Variants in PPL observed in about 807,000 individuals in gnomAD.
PPL encodes the protein 190 kDa paraneoplastic pemphigus antigen.
In PPL, 198 loss-of-function variants were observed where a neutral mutation model predicts 194.4. The ratio of observed to expected loss-of-function variants is 1.02; its 90% CI spans 0.91 to 1.15. The LOEUF (loss-of-function observed/expected upper bound fraction) is 1.15, where lower values mean the gene tolerates loss of function less well. Ranked by LOEUF, PPL falls within the 50% of genes most tolerant of loss-of-function variation. The pLI, the probability that PPL is intolerant of heterozygous loss-of-function variation, is 0.00. For missense variants in PPL, 2,885 were observed against 2,294.8 expected (o/e 1.26, Z -5.25); for synonymous variants, 1,220 against 972.4 (o/e 1.25, Z -4.74).
chr16:4,903,824 C>G, intron 3 of PPL, 62 bp downstream of exon 3: 1 of 1,586,100 alleles, frequency 6.3e-7, no homozygotes, highest in Non-Finnish European at 8.6e-7. Context: ...CTGAACAGGA[C>G]CCCCCGCCCT....
rs1179985894 is a variant in PPL at position 4,900,844 on chromosome 16, A to G, written c.592T>C (p.Tyr198His). ...KEQNSELRAK[Y>H]QKLLAASQAR... ...GAGCTCCTCACCAGCAGTTTCTGGTACTTGGCCCGGAGTTCGCTGTTCTGC... is the reference window on the plus strand; with the variant it reads ...GAGCTCCTCACCAGCAGTTTCTGGTGCTTGGCCCGGAGTTCGCTGTTCTGC... Residue 198 changes from tyrosine (Y) to histidine (H), a missense_variant, in exon 6 of 22, where the codon TAC (tyrosine) becomes CAC (histidine). Tyr to His is a moderately conservative substitution (Grantham distance 83). Coordinates refer to ENST00000345988, the MANE Select transcript of PPL (RefSeq NM_002705.5). 6.2e-7 allele frequency: 1 copy of G among 1,614,064 alleles called. No homozygotes were observed. The highest frequency in any genetic ancestry group is 1.7e-5 in the Admixed American group (1 of 60,010).
chr16:4,917,865 G>GCATT (rs1308147301), intron 1 of PPL, among the ~76,000 whole-genome samples: 1 of 151,538 alleles, frequency 6.6e-6, no homozygotes. Context: ...TTTCGCCACT[G>GCATT]CATTCCAGCC....
chr16:4,888,509 T>C (rs1377458019), intron 19 of PPL, among the ~76,000 whole-genome samples: 2 of 152,222 alleles, frequency 1.3e-5, no homozygotes, highest in African/African-American at 4.8e-5. Flanking sequence ...CACATTCTGC[T>C]GCTGCTTTTA....
At chr16:4,888,726 A>C in intron 19 of PPL, 3 of 410,278 alleles carry the variant, frequency 7.3e-6, no homozygotes, top group South Asian at 6.4e-5. Flanking sequence ...TTTTTTTTGT[A>C]CTTTTTCCTT....
intron 21 of PPL, among the ~76,000 whole-genome samples, 186 bp from the exon 22 acceptor site, chr16:4,886,233 T>A (rs904282958): frequency 2.0e-5 from 3 of 152,100 alleles, no homozygotes; most frequent in East Asian, 1.9e-4. Flanking sequence ...GGGTTTTTTT[T>A]AATCAGGTAA....
chr16:4,921,405 G>C (rs778833433), intron 1 of PPL, among the ~76,000 whole-genome samples: 14 of 152,198 alleles, frequency 9.2e-5, no homozygotes, highest in Admixed American at 2.0e-4. Context: ...GGGGGCCTCA[G>C]ATGGCATCAG....
chr16:4,886,963 G>C (rs530331040), intron 21 of PPL, among the ~76,000 whole-genome samples, 172 bp downstream of exon 21: 1 of 152,358 alleles, frequency 6.6e-6, no homozygotes, highest in South Asian at 2.1e-4. Context: ...AGTTGAATAA[G>C]TTCTCATGTC....
chr16:4,934,297 C>A (rs2089264473), intron 1 of PPL, among the ~76,000 whole-genome samples: 1 of 152,140 alleles, frequency 6.6e-6, no homozygotes, highest in Non-Finnish European at 1.5e-5. Flanking sequence ...GAAGGGGTGG[C>A]TTTCTCGGTG....
rs375286622 is a variant in PPL at position 4,927,666 on chromosome 16, T to C, written c.62+9318A>G. 5.3e-4 allele frequency among the ~76,000 whole-genome samples: 80 copies of C among 152,360 alleles called. 1 individual carries two copies. In the South Asian group the frequency reaches 0.016, roughly 30 times the overall value. On this transcript the variant is annotated intron_variant, in intron 1 of 21. Coordinates refer to ENST00000345988, the MANE Select transcript of PPL (RefSeq NM_002705.5). ...ACTCCTGTGCTAATTAGACAGTAAA[T>C]GTCCTCACACCCAGCTATTAATCCT...
chr16:4,893,283 C>A lies in PPL; in HGVS notation c.1580G>T (p.Gly527Val). ...TTGCTCCAGTGGTGGCCGCAGGATCCCTGTGATGGCCTTCTCCTGCCGGTC... is the reference window on the plus strand; with the variant it reads ...TTGCTCCAGTGGTGGCCGCAGGATCACTGTGATGGCCTTCTCCTGCCGGTC... ...DLDRQEKAIT[G>V]ILRPPLEQGR... The change falls in exon 14 of 22, where the codon GGG (glycine) becomes GTG (valine). Residue 527 changes from glycine (G) to valine (V), a missense_variant. Coordinates refer to ENST00000345988, the MANE Select transcript of PPL (RefSeq NM_002705.5). The A allele has an allele frequency of 6.2e-7, 1 of 1,603,226 alleles. No homozygotes were observed. The highest frequency in any genetic ancestry group is 8.5e-7 in the Non-Finnish European group (1 of 1,177,616).
At chr16:4,926,588 A>T (rs1043845221) in intron 1 of PPL, among the ~76,000 whole-genome samples, 7 of 152,196 alleles carry the variant, frequency 4.6e-5, no homozygotes, top group African/African-American at 1.7e-4. Flanking sequence ...ATAATTACAA[A>T]GATTTGGCTT....
Position 4,902,692 on chromosome 16 carries a change from CTT to C in PPL, c.318-168_318-167del, listed in dbSNP as rs5815221. On this transcript the variant is annotated intron_variant, in intron 3 of 21. Transcript: ENST00000345988. The surrounding 1 kb of genome is among the most constrained non-coding windows in gnomAD (Gnocchi z 4.0). ...ATCCTCTCACCCCTCCTCCCATGCA[CTT>C]TTTTTTTTTTTTTGAGACAGAGTCT... Among the ~76,000 whole-genome samples, 4,077 of 140,828 alleles carry C rather than the reference CTT, an allele frequency of 0.029. 60 individuals are homozygous for C. Among genetic ancestry groups the C allele is most frequent in the Middle Eastern group, 0.055 (15 of 274 alleles). The allele number at this position is 140,828 out of a possible 152,430, so 92.4% of individuals were successfully genotyped here.
intron 17 of PPL, among the ~76,000 whole-genome samples, 161 bp from the exon 18 acceptor site, chr16:4,890,495 CTG>C (rs1438992704): frequency 6.6e-6 from 1 of 152,108 alleles, no homozygotes; most frequent in Non-Finnish European, 1.5e-5. Flanking sequence ...TCAGGTTGGA[CTG>C]TGGAGAACCA....
At chr16:4,895,197 G>T in intron 11 of PPL, 64 bp downstream of exon 11, 5 of 1,503,996 alleles carry the variant, frequency 3.3e-6, no homozygotes, top group Non-Finnish European at 4.4e-6. Context: ...CTGAGGCCCG[G>T]GATCCAACCA....
chr16:4,907,547 G>C (rs926405601), intron 2 of PPL, among the ~76,000 whole-genome samples: 1 of 152,160 alleles, frequency 6.6e-6, no homozygotes. Flanking sequence ...GTTGCTGCCA[G>C]GGGGAAAGGG....
chr16:4,903,823 A>AC, intron 3 of PPL, 63 bp downstream of exon 3: 2 of 1,586,906 alleles, frequency 1.3e-6, no homozygotes, highest in Admixed American at 1.7e-5. Flanking sequence ...GCTGAACAGG[A>AC]CCCCCCGCCC....
At chr16:4,918,536 A>C (rs1163232417) in intron 1 of PPL, among the ~76,000 whole-genome samples, 3 of 152,138 alleles carry the variant, frequency 2.0e-5, no homozygotes, top group Non-Finnish European at 4.4e-5. Context: ...TTATTCTCAA[A>C]AGTTGGAGGA....
intron 1 of PPL, among the ~76,000 whole-genome samples, chr16:4,914,979 T>C (rs1308996570): frequency 6.6e-6 from 1 of 151,610 alleles, no homozygotes; most frequent in African/African-American, 2.4e-5. Flanking sequence ...AGGCGGTGAG[T>C]CTCACCCCAA....
chr16:4,920,228 G>A (rs187024709), intron 1 of PPL, among the ~76,000 whole-genome samples: 81 of 151,514 alleles, frequency 5.3e-4, no homozygotes, highest in African/African-American at 1.9e-3. Flanking sequence ...AGGTTGCAGT[G>A]AGCTGAGATT....
Sources: allele counts gnomAD v4.1 joint callset (sites outside exome capture counted in the v4.1 genomes callset), GRCh38; gene constraint gnomAD v4.1.1; non-coding constraint Gnocchi (gnomAD v3.1); transcripts MANE v1.5; gene names NCBI Gene and HGNC (gene_info 2026-07-23, HGNC 2026-07-21).